Variants in JMJD1C observed in about 807,000 individuals in gnomAD.
JMJD1C encodes jumonji domain containing 1C.
JMJD1C carries 31 observed loss-of-function variants against 245.3 expected under a neutral mutation model. The ratio of observed to expected loss-of-function variants is 0.13; its 90% confidence interval spans 0.09 to 0.17. The LOEUF is 0.17. Ranked by LOEUF, JMJD1C falls within the 10% of genes least tolerant of loss-of-function variation. JMJD1C has a pLI of 1.00. For synonymous variants in JMJD1C, 1,057 were observed against 1,017.4 expected (o/e 1.04, Z -0.74); for missense variants, 2,691 against 3,000.2 (o/e 0.90, Z 2.41).
At chr10:63,379,685 C>T (rs902179757) in intron 2 of JMJD1C, among the ~76,000 whole-genome samples, 5 of 152,292 alleles carry the variant, frequency 3.3e-5, no homozygotes, top group East Asian at 1.9e-4. Flanking sequence ...AGTTGTTCCA[C>T]GTGGCATACA....
At chr10:63,452,291 C>CTTT (rs1189341623) in intron 1 of JMJD1C, among the ~76,000 whole-genome samples, 2 of 152,138 alleles carry the variant, frequency 1.3e-5, no homozygotes, top group African/African-American at 4.8e-5. Flanking sequence ...CAACTTAAAA[C>CTTT]ATTTCTCCAA....
chr10:63,507,940 G>A (rs982593031), intron 1 of JMJD1C, among the ~76,000 whole-genome samples: 5 of 151,984 alleles, frequency 3.3e-5, no homozygotes, highest in Admixed American at 2.0e-4. Context: ...TACTGTTGAC[G>A]TTGAAGAATT....
At chr10:63,247,556 C>T (rs1379026652) in intron 3 of JMJD1C, among the ~76,000 whole-genome samples, 3 of 151,826 alleles carry the variant, frequency 2.0e-5, no homozygotes, top group African/African-American at 4.8e-5. Context: ...GCCTGGCCAA[C>T]ATGGTGAAAC....
intron 1 of JMJD1C, among the ~76,000 whole-genome samples, chr10:63,414,560 T>C (rs919593114): frequency 2.0e-5 from 3 of 151,942 alleles, no homozygotes; most frequent in Non-Finnish European, 4.4e-5. Context: ...AAAATCGAGA[T>C]GCAAGAAAAT....
At chr10:63,173,155 T>A (rs964118790) in intron 24 of JMJD1C, among the ~76,000 whole-genome samples, 1 of 152,094 alleles carries the variant, frequency 6.6e-6, no homozygotes. Flanking sequence ...ATGTATTACA[T>A]TTTCAAAAGA....
At chr10:63,350,706 TC>T (rs1944280268) in intron 2 of JMJD1C, among the ~76,000 whole-genome samples, 1 of 150,726 alleles carries the variant, frequency 6.6e-6, no homozygotes, top group South Asian at 2.1e-4. Flanking sequence ...AAGCTCTGCC[TC>T]CCGGTTTCAT....
chr10:63,193,009 G>A lies in JMJD1C; in HGVS notation c.6005C>T (p.Pro2002Leu), dbSNP rs768539248. The change falls in exon 16 of 26, where the codon CCT (proline) becomes CTT (leucine). Residue 2002 changes from proline (P) to leucine (L), a missense_variant. Pro to Leu is a moderately conservative substitution (Grantham distance 98, BLOSUM62 -3). Transcript: ENST00000399262. ...SDVGTDNKLT[P>L]PESQSPLHWL... ...GTGCAGTGGTGACTGGGATTCTGGA[G>A]GAGTTAACTTGTTATCTGTGCCTAC... 6.2e-7 allele frequency: 1 copy of A among 1,614,094 alleles called. No homozygotes were observed. Among genetic ancestry groups the A allele is most frequent in the Admixed American group, 1.7e-5 (1 of 60,010 alleles).
intron 10 of JMJD1C, chr10:63,204,824 T>C (rs1047414993): frequency 2.0e-6 from 2 of 985,454 alleles, no homozygotes; most frequent in African/African-American, 1.7e-5. Context: ...CATCCTCCTG[T>C]TTTCCTCTCC....
chr10:63,252,431 T>A (rs1429077490), intron 3 of JMJD1C, among the ~76,000 whole-genome samples: 1 of 151,048 alleles, frequency 6.6e-6, no homozygotes, highest in African/African-American at 2.5e-5. Flanking sequence ...GAAAAAAGAC[T>A]AAGGTCTCTC....
At chr10:63,509,069 T>C (rs1954800857) in intron 1 of JMJD1C, among the ~76,000 whole-genome samples, 1 of 152,248 alleles carries the variant, frequency 6.6e-6, no homozygotes, top group East Asian at 1.9e-4. Context: ...TAGGGTTTTT[T>C]AGATGTTCTT....
intron 3 of JMJD1C, among the ~76,000 whole-genome samples, chr10:63,263,827 G>A (rs555966604): frequency 6.6e-6 from 1 of 151,758 alleles, no homozygotes; most frequent in South Asian, 2.1e-4. Flanking sequence ...AGCTGCTCTG[G>A]AGGCTGAGGC....
chr10:63,213,730 G>C lies in JMJD1C; in HGVS notation c.2437C>G (p.Pro813Ala), dbSNP rs1248079212. The change falls in exon 8 of 26, where the codon CCA becomes GCA. Residue 813 changes from proline (P) to alanine (A), a missense_variant. Transcript: ENST00000399262. ...CTGGCATGAGCACTCTCTAGTCGTG[G>C]GTGGCCACCAAGTAAGGAGGCAGTA... is the stretch of plus-strand genomic sequence containing the variant. The part of the protein sequence containing the change: ...VPTASLLGGH[P>A]RLESAHASSL... 1 of 1,614,164 alleles carries C rather than the reference G, an allele frequency of 6.2e-7. No homozygotes were observed. Among genetic ancestry groups the C allele is most frequent in the Admixed American group, 1.7e-5 (1 of 60,018 alleles).
chr10:63,401,154 C>T (rs1416333435), intron 1 of JMJD1C, among the ~76,000 whole-genome samples: 2 of 152,200 alleles, frequency 1.3e-5, no homozygotes, highest in Non-Finnish European at 2.9e-5. Context: ...CCACTGCACC[C>T]GGCCTCGTTT....
Position 63,207,368 on chromosome 10 carries a change from G to T in JMJD1C, c.4301C>A (p.Ser1434Tyr), listed in dbSNP as rs1225775960. Residue 1434 changes from serine to tyrosine, a missense_variant, in exon 10 of 26, where the codon TCT becomes TAT. Ser to Tyr is a moderately radical substitution (Grantham distance 144). Transcript: ENST00000399262. The stretch of plus-strand genomic sequence containing the variant: ...CACTGGCTGACTGACACTTTTTGAA[G>T]ATACACATTCTGATGATGTAGAGGC... ...ILASTSSECV[S>Y]SKSVSQPVAQ... 1 of 1,613,838 alleles carries T rather than the reference G, an allele frequency of 6.2e-7. No homozygotes were observed. Among genetic ancestry groups the T allele is most frequent in the Non-Finnish European group, 8.5e-7 (1 of 1,180,034 alleles).
chr10:63,347,610 AAAAG>A (rs1034355059), intron 2 of JMJD1C, among the ~76,000 whole-genome samples: 8 of 149,670 alleles, frequency 5.3e-5, no homozygotes, highest in African/African-American at 1.7e-4. Flanking sequence ...AAAGAAAAGA[AAAAG>A]AAAAAAAGAA....
intron 1 of JMJD1C, among the ~76,000 whole-genome samples, chr10:63,397,879 T>C (rs1948604078): frequency 1.3e-5 from 2 of 152,190 alleles, no homozygotes; most frequent in African/African-American, 4.8e-5. Flanking sequence ...GAGTGAAAGT[T>C]ACAAATAATT....
intron 2 of JMJD1C, among the ~76,000 whole-genome samples, chr10:63,299,072 A>G (rs1208947580): frequency 1.3e-5 from 2 of 152,124 alleles, no homozygotes; most frequent in African/African-American, 4.8e-5. Flanking sequence ...ATTAATTTAC[A>G]TATTTAATAA....
At chr10:63,399,637 T>G (rs192245783) in intron 1 of JMJD1C, among the ~76,000 whole-genome samples, 6 of 152,284 alleles carry the variant, frequency 3.9e-5, no homozygotes, top group Admixed American at 6.5e-5. Flanking sequence ...TAAATGGTTT[T>G]TATTCCATTC....
chr10:63,367,716 T>C (rs117589535), intron 2 of JMJD1C, among the ~76,000 whole-genome samples: 3,137 of 152,236 alleles, frequency 0.021, 50 homozygotes, highest in Non-Finnish European at 0.028. Flanking sequence ...ATGGATAAAA[T>C]AGTTAAGCAT....
Sources: gnomAD v4.1 joint callset for allele counts (sites outside exome capture counted in the v4.1 genomes callset) on GRCh38, gnomAD v4.1.1 for gene constraint, MANE v1.5 for transcripts, NCBI Gene and HGNC (gene_info 2026-07-23, HGNC 2026-07-21) for gene names.